Variants in SNX13 observed in about 807,000 individuals in gnomAD.
The protein encoded by SNX13 is sorting nexin-13.
SNX13 carries 45 observed loss-of-function variants against 133.6 expected under a neutral mutation model. That is an observed-to-expected ratio of 0.34 (90% CI 0.27 to 0.43). The LOEUF is 0.43. SNX13 is among the 20% of genes least tolerant of loss of function. SNX13 has a pLI of 1.00. For missense variants in SNX13, 1,032 were observed against 1,145.1 expected (o/e 0.90, Z 1.43); for synonymous variants, 414 against 373.9 (o/e 1.11, Z -1.24).
chr7:17,918,296 A>G (rs1799768535), intron 1 of SNX13, among the ~76,000 whole-genome samples: 1 of 152,200 alleles, frequency 6.6e-6, no homozygotes. Flanking sequence ...TAATTAAACT[A>G]AAGACCTTCT....
chr7:17,895,227 T>C (rs2127997259), intron 2 of SNX13, among the ~76,000 whole-genome samples: 1 of 152,306 alleles, frequency 6.6e-6, no homozygotes, highest in African/African-American at 2.4e-5. Context: ...ACCTAAATAG[T>C]AGTTTCAGCT....
intron 12 of SNX13, among the ~76,000 whole-genome samples, chr7:17,841,897 T>G (rs953412220): frequency 6.6e-6 from 1 of 151,892 alleles, no homozygotes. Context: ...TAAGGTAGAT[T>G]TGAGCAGGCA....
At chr7:17,918,209 T>A (rs62446893) in intron 1 of SNX13, among the ~76,000 whole-genome samples, 1 of 152,134 alleles carries the variant, frequency 6.6e-6, no homozygotes, top group Admixed American at 6.5e-5. Context: ...AATACGCTTC[T>A]GAACATTGGC....
chr7:17,865,386 T>A (rs1327884782), intron 9 of SNX13, among the ~76,000 whole-genome samples: 1 of 152,060 alleles, frequency 6.6e-6, no homozygotes, highest in Non-Finnish European at 1.5e-5. Flanking sequence ...TAATCCCATA[T>A]AATCACAAAT....
Position 17,902,573 on chromosome 7 carries a change from T to A in SNX13, c.13-5127A>T, listed in dbSNP as rs116503356. On this transcript the variant is annotated intron_variant, in intron 1 of 25. Coordinates refer to ENST00000428135, the MANE Select transcript of SNX13 (RefSeq NM_015132.5). Reference sequence around the variant, plus strand: ...CACATAAAAATAATTGGGTTCTAATTATTTCCTAAAATGATACAGGATAAA... The same window carrying A: ...CACATAAAAATAATTGGGTTCTAATAATTTCCTAAAATGATACAGGATAAA... 4.4e-3 allele frequency among the ~76,000 whole-genome samples: 663 copies of A among 152,264 alleles called. 2 individuals carry two copies. The highest frequency in any genetic ancestry group is 0.015 in the African/African-American group (631 of 41,542).
At chr7:17,898,983 G>C (rs1027173552) in intron 1 of SNX13, 3 of 152,126 alleles carry the variant, frequency 2.0e-5, no homozygotes, top group African/African-American at 4.8e-5. Flanking sequence ...TCTGAATCAG[G>C]GGGGAATACT....
At chr7:17,847,333 G>A (rs190605036) in intron 11 of SNX13, among the ~76,000 whole-genome samples, 114 of 152,060 alleles carry the variant, frequency 7.5e-4, no homozygotes, top group African/African-American at 2.7e-3. Flanking sequence ...TTTTTTGTTT[G>A]TTTGTTTGTT....
At chr7:17,898,212 C>T (rs1258887376) in intron 1 of SNX13, 1 of 152,070 alleles carries the variant, frequency 6.6e-6, no homozygotes, top group East Asian at 1.9e-4. Context: ...TCAACAAGTT[C>T]CTACATCCAT....
chr7:17,829,930 CATTT>C (rs1788293033), intron 16 of SNX13, 76 bp downstream of exon 16: 2 of 1,014,048 alleles, frequency 2.0e-6, no homozygotes, highest in African/African-American at 3.3e-5. Context: ...CTTTATATAT[CATTT>C]ATTTATATAT....
At chr7:17,921,112 C>A (rs879825553) in intron 1 of SNX13, among the ~76,000 whole-genome samples, 2 of 152,106 alleles carry the variant, frequency 1.3e-5, no homozygotes, top group Admixed American at 6.6e-5. Flanking sequence ...AGATCTTGCA[C>A]AATCAATCCA....
intron 5 of SNX13, chr7:17,880,101 G>C (rs532953771): frequency 6.6e-6 from 1 of 152,098 alleles, no homozygotes; most frequent in African/African-American, 2.4e-5. Flanking sequence ...TTTTTCTTTG[G>C]TTAAGGCTCT....
chr7:17,868,206 C>T (rs897392965), intron 9 of SNX13: 4 of 508,170 alleles, frequency 7.9e-6, no homozygotes, highest in African/African-American at 2.0e-5. Context: ...GGAAGATAAT[C>T]AACAAAATTC....
Position 17,834,820 on chromosome 7 carries a change from C to T in SNX13, c.1405G>A (p.Ala469Thr). 3 of 1,610,044 alleles carry T rather than the reference C, an allele frequency of 1.9e-6. No individual in the cohort carries two copies. Among genetic ancestry groups the T allele is most frequent in the East Asian group, 2.2e-5 (1 of 44,648 alleles). Residue 469 changes from alanine to threonine, a missense_variant, in exon 14 of 26, where the codon GCA becomes ACA. Physicochemically the swap from Ala to Thr is moderately conservative, Grantham distance 58. Coordinates refer to ENST00000428135, the MANE Select transcript of SNX13 (RefSeq NM_015132.5). ...GGATCTTCATGATTCAAAGTATCTG[C>T]TAATTTTGCTACTAAATAGTCATCA... is the stretch of plus-strand genomic sequence containing the variant. ...TVDDYLVAKL[A>T]DTLNHEDPTP...
At chr7:17,899,402 G>A (rs1057197217) in intron 1 of SNX13, 4 of 151,882 alleles carry the variant, frequency 2.6e-5, no homozygotes, top group South Asian at 4.1e-4. Flanking sequence ...AATTTTCTAC[G>A]CCTAACTCTC....
At chr7:17,798,118 A>G (rs1784249801) in intron 24 of SNX13, among the ~76,000 whole-genome samples, 1 of 151,814 alleles carries the variant, frequency 6.6e-6, no homozygotes, top group African/African-American at 2.4e-5. Flanking sequence ...AAAGAGGTTT[A>G]TTTCTCTACT....
intron 25 of SNX13, chr7:17,795,069 A>G (rs1228225188): frequency 6.6e-6 from 1 of 151,648 alleles, no homozygotes; most frequent in South Asian, 2.1e-4. Flanking sequence ...CTAGAATAAC[A>G]AAGCATGCTC....
intron 11 of SNX13, among the ~76,000 whole-genome samples, chr7:17,849,704 A>G (rs1355251902): frequency 6.6e-6 from 1 of 152,072 alleles, no homozygotes; most frequent in East Asian, 1.9e-4. Flanking sequence ...CCTCCAATTC[A>G]CCAAGGACAT....
chr7:17,889,360 G>A (rs1796370796), intron 5 of SNX13: 1 of 152,102 alleles, frequency 6.6e-6, no homozygotes, highest in Non-Finnish European at 1.5e-5. Context: ...CACATCCAAT[G>A]CCCTTCCTCT....
chr7:17,880,728 A>G (rs1295332187), intron 5 of SNX13: 4 of 152,256 alleles, frequency 2.6e-5, no homozygotes, highest in African/African-American at 9.6e-5. Context: ...CTTTCACTGC[A>G]ATAGCACAGA....
Sources: allele counts gnomAD v4.1 joint callset (sites outside exome capture counted in the v4.1 genomes callset), GRCh38; gene constraint gnomAD v4.1.1; transcripts MANE v1.5; gene names NCBI Gene and HGNC (gene_info 2026-07-23, HGNC 2026-07-21).